RNF167: variants seen among roughly 807,000 people sequenced by gnomAD.
RNF167 encodes E3 ubiquitin-protein ligase RNF167.
Under a neutral mutation model 34.8 loss-of-function variants are expected in RNF167, and 19 were observed. The observed-to-expected ratio is 0.55, with a 90% CI of 0.38 to 0.80. The LOEUF (loss-of-function observed/expected upper bound fraction) is 0.80. Among genes scored for constraint, RNF167 ranks in the 30% least tolerant of loss-of-function variants. RNF167 has a pLI of 0.00. For missense variants in RNF167, 464 were observed against 447.0 expected (o/e 1.04, Z -0.34); for synonymous variants, 200 against 170.4 (o/e 1.17, Z -1.35).
rs761723627 is a variant in RNF167 at position 4,944,947 on chromosome 17, C to G, written c.984C>G (p.Pro328=). The stretch of plus-strand genomic sequence containing the variant: ...CCTTTGGTTCCTTAGCCCCAGCTCC[C>G]CTTGTTTTTCCTGGGCCTTCAACAG... ...PTSFGSLAPA[P]LVFPGPSTDP... is the part of the protein sequence containing the mutation. Residue 328 remains proline (P), a synonymous_variant, in exon 10 of 10, where the codon CCC becomes CCG. Transcript: ENST00000262482. 1.2e-6 allele frequency: 2 copies of G among 1,604,336 alleles called. No homozygotes were observed. Among genetic ancestry groups the G allele is most frequent in the South Asian group, 1.1e-5 (1 of 89,938 alleles).
rs866828644 is a variant in RNF167, at chr17:4,943,205, A to G, written c.497A>G (p.Asn166Ser). Residue 166 changes from asparagine (N) to serine (S), a missense_variant, in exon 7 of 10, where the codon AAT becomes AGT. Asn to Ser is a conservative substitution (Grantham distance 46, BLOSUM62 1). Coordinates refer to ENST00000262482, the MANE Select transcript of RNF167 (RefSeq NM_015528.3). Reference sequence around the variant, plus strand: ...GCTCGGGTGCTTCTGGTTCCAGACAATACCTTCCCCTTGGGCTATTACCTC... The same window carrying G: ...GCTCGGGTGCTTCTGGTTCCAGACAGTACCTTCCCCTTGGGCTATTACCTC... The part of the protein sequence containing the change: ...KGARVLLVPD[N>S]TFPLGYYLIP... The G allele has an allele frequency of 2.5e-6, 4 of 1,614,046 alleles. No homozygotes were observed. The highest frequency in any genetic ancestry group is 2.7e-5 in the African/African-American group (2 of 74,996).
In RNF167 at chr17:4,941,119, G is replaced by C; in HGVS notation, c.127G>C (p.Ala43Pro). 1 of 1,614,222 alleles carries C rather than the reference G, an allele frequency of 6.2e-7. No individual in the cohort carries two copies. Residue 43 changes from alanine to proline, a missense_variant, in exon 3 of 10, where the codon GCT becomes CCT. Ala to Pro is a conservative substitution (Grantham distance 27). Transcript: ENST00000262482. ...NASMDFADLP[A>P]LFGATLSQEG... ...CAGCATGGACTTTGCAGACCTTCCA[G>C]CTCTGTTTGGGGCTACCTTGAGCCA... is the stretch of plus-strand genomic sequence containing the variant.
At chr17:4,942,994 A>T (rs1319720462) in intron 6 of RNF167, 53 bp downstream of exon 6, 1 of 1,546,528 alleles carries the variant, frequency 6.5e-7, no homozygotes, top group Admixed American at 1.7e-5. Context: ...TTCCATGCCA[A>T]CCTGGAGCCC....
At position 4,941,166 on chromosome 17, in the gene RNF167, C is replaced by G. The variant is rs182848539; in HGVS notation, c.165+9C>G. 4 of 1,610,416 alleles carry G rather than the reference C, an allele frequency of 2.5e-6. No individual in the cohort carries two copies. The highest frequency in any genetic ancestry group is 3.4e-6 in the Non-Finnish European group (4 of 1,176,678). ...GCCAGGAGGGCCTCCAGGTGATTTT[C>G]TTTCTTTTCTTTTCCTCCTTCCCTC... On this transcript the variant is annotated intron_variant, in intron 3 of 9. Transcript: ENST00000262482.
rs765290344 is a variant in RNF167 at position 4,942,934 on chromosome 17, G to A, written c.463G>A (p.Glu155Lys). ...GTACCTGCGTGCCCTCTTTGTCTAC[G>A]AGAAGGGGTAGGACATGTGCCTCCT... Reference protein sequence around the residue: ...SEYLRALFVYEKGARVLLVPD... With the variant: ...SEYLRALFVYKKGARVLLVPD... Residue 155 changes from glutamate to lysine, a missense_variant, in exon 6 of 10, where the codon GAG (glutamate) becomes AAG (lysine). By Grantham distance (56) the Glu-to-Lys change is moderately conservative. Coordinates refer to ENST00000262482, the MANE Select transcript of RNF167 (RefSeq NM_015528.3). 1.2e-5 allele frequency: 20 copies of A among 1,613,728 alleles called. No homozygotes were observed. The highest frequency in any genetic ancestry group is 1.1e-4 in the East Asian group (5 of 44,898).
At chr17:4,943,363 G>A in intron 7 of RNF167, 63 bp from the exon 8 acceptor site, 4 of 1,585,078 alleles carry the variant, frequency 2.5e-6, no homozygotes, top group Non-Finnish European at 3.5e-6. Flanking sequence ...AGATGGGAGT[G>A]GCTTGTCCTA....
At chr17:4,943,014 C>T (rs1465250017) in intron 6 of RNF167, 73 bp downstream of exon 6, 6 of 1,445,614 alleles carry the variant, frequency 4.2e-6, no homozygotes, top group Non-Finnish European at 5.8e-6. Context: ...CAGGCCTCCT[C>T]ATTACCCGAA....
chr17:4,944,379 TTGCTTGTCCCTTC>T, intron 8 of RNF167, 166 bp from the exon 9 acceptor site: 3 of 1,345,426 alleles, frequency 2.2e-6, no homozygotes, highest in Non-Finnish European at 2.9e-6. Flanking sequence ...CTGCTTCTCT[TTGCTTGTCCCTTC>T]TAGCCCTAAA....
chr17:4,943,321 G>T (rs1202833529), intron 7 of RNF167, 37 bp downstream of exon 7: 7 of 1,597,586 alleles, frequency 4.4e-6, no homozygotes, highest in Admixed American at 3.3e-5. Flanking sequence ...AAGCACTGAG[G>T]CCTGTGAGGC....
chr17:4,942,690 T>C, intron 5 of RNF167, 26 bp downstream of exon 5: 2 of 1,611,732 alleles, frequency 1.2e-6, no homozygotes, highest in Middle Eastern at 1.7e-4. Flanking sequence ...TCTATACAGC[T>C]GGGCTTTCAG....
In RNF167 at chr17:4,945,071, C is replaced by T. The variant is rs893044190; in HGVS notation, c.*55C>T. 2.8e-6 allele frequency: 4 copies of T among 1,421,216 alleles called. No individual in the cohort carries two copies. Among genetic ancestry groups the T allele is most frequent in the African/African-American group, 1.4e-5 (1 of 69,574 alleles). 88.0% of individuals were successfully genotyped at this position (1,421,216 alleles called of 1,614,324 possible). ...CTATTTGCACAGACCGTCGTCTTCCCTCCAGTCTTCTGAGGGATAGGGGAC... is the reference window on the plus strand; with the variant it reads ...CTATTTGCACAGACCGTCGTCTTCCTTCCAGTCTTCTGAGGGATAGGGGAC... On this transcript the variant is annotated 3_prime_UTR_variant, in exon 10 of 10. Transcript: ENST00000262482.
chr17:4,945,001 T>G lies in RNF167; in HGVS notation c.1038T>G (p.Pro346=). Residue 346 remains proline, a synonymous_variant, in exon 10 of 10, where the codon CCT becomes CCG. Transcript: ENST00000262482. The part of the protein sequence containing the change: ...TDPPLSPPSS[P]VILV Reference sequence around the variant, plus strand: ...CCCCACTGTCCCCTCCCTCTTCCCCTGTTATCCTGGTCTAATAACCCCCCA... The same window carrying G: ...CCCCACTGTCCCCTCCCTCTTCCCCGGTTATCCTGGTCTAATAACCCCCCA... 1 of 1,549,404 alleles carries G rather than the reference T, an allele frequency of 6.5e-7. No homozygotes were observed. Among genetic ancestry groups the G allele is most frequent in the Non-Finnish European group, 8.7e-7 (1 of 1,148,390 alleles).
At chr17:4,941,570 C>G (rs542457086) in intron 3 of RNF167, among the ~76,000 whole-genome samples, 2 of 152,138 alleles carry the variant, frequency 1.3e-5, no homozygotes, top group African/African-American at 4.8e-5. Context: ...AAAGTAGATA[C>G]GCAATTTTGG....
intron 4 of RNF167, 45 bp from the exon 5 acceptor site, chr17:4,942,532 G>T: frequency 6.2e-7 from 1 of 1,613,648 alleles, no homozygotes; most frequent in Admixed American, 1.7e-5. Flanking sequence ...AATGAAGACA[G>T]GTAAGGCCCA....
At position 4,942,636 on chromosome 17, in the gene RNF167, T is replaced by G. The variant is rs1462072747; in HGVS notation, c.351T>G (p.Asn117Lys). 1.2e-6 allele frequency: 2 copies of G among 1,614,030 alleles called. No homozygotes were observed. Among genetic ancestry groups the G allele is most frequent in the Admixed American group, 3.3e-5 (2 of 59,994 alleles). The stretch of plus-strand genomic sequence containing the variant: ...CTGTAGTACACAATGTGAATTCCAA[T>G]GAACTTCTGAACATGGTGTGGAATA... Reference protein sequence around the residue: ...GAAVVHNVNSNELLNMVWNSE... With the variant: ...GAAVVHNVNSKELLNMVWNSE... Residue 117 changes from asparagine (N) to lysine (K), a missense_variant, in exon 5 of 10, where the codon AAT (asparagine) becomes AAG (lysine). Physicochemically the swap from Asn to Lys is moderately conservative, Grantham distance 94. Coordinates refer to ENST00000262482, the MANE Select transcript of RNF167 (RefSeq NM_015528.3).
In RNF167 at chr17:4,940,312, A is replaced by G. The variant is rs1597652819; in HGVS notation, c.-472A>G. On this transcript the variant is annotated 5_prime_UTR_variant, in exon 1 of 10. Coordinates refer to ENST00000262482, the MANE Select transcript of RNF167 (RefSeq NM_015528.3). Reference sequence around the variant, plus strand: ...CTGCGAGGGGACGGGAGAGGTGGTGAGCACTCTCGCGAGATTTGAAGGAGC... The same window carrying G: ...CTGCGAGGGGACGGGAGAGGTGGTGGGCACTCTCGCGAGATTTGAAGGAGC... The G allele has an allele frequency of 5.8e-6, 1 of 172,126 alleles. No homozygotes were observed. The highest frequency in any genetic ancestry group is 1.2e-5 in the Non-Finnish European group (1 of 82,264). 10.7% of individuals were successfully genotyped at this position (172,126 alleles called of 1,614,324 possible).
At position 4,945,120 on chromosome 17, in the gene RNF167, A is replaced by C; in HGVS notation, c.*104A>C. 1.9e-6 allele frequency: 2 copies of C among 1,080,026 alleles called. No individual in the cohort carries two copies. Among genetic ancestry groups the C allele is most frequent in the Non-Finnish European group, 2.6e-6 (2 of 766,570 alleles). The allele number at this position is 1,080,026 out of a possible 1,614,324, so 66.9% of individuals were successfully genotyped here. On this transcript the variant is annotated 3_prime_UTR_variant, in exon 10 of 10. Coordinates refer to ENST00000262482, the MANE Select transcript of RNF167 (RefSeq NM_015528.3). ...ACATTCCATCCCAAGCTTCTCCCTT[A>C]CCCACACCTATCCTTTTGAGGGGCT...
At position 4,940,826 on chromosome 17, in the gene RNF167, G is replaced by A. The variant is rs922574012; in HGVS notation, c.-84G>A. On this transcript the variant is annotated 5_prime_UTR_variant, in exon 2 of 10. Transcript: ENST00000262482. Reference sequence around the variant, plus strand: ...TGGTTGGACCCCTGGGATCCTAAAGGAGGGGCAGGGAGGGCGCAGAACTCC... The same window carrying A: ...TGGTTGGACCCCTGGGATCCTAAAGAAGGGGCAGGGAGGGCGCAGAACTCC... 12 of 1,297,674 alleles carry A rather than the reference G, an allele frequency of 9.2e-6. No individual in the cohort carries two copies. Among genetic ancestry groups the A allele is most frequent in the Non-Finnish European group, 1.3e-5 (12 of 951,224 alleles). 80.4% of individuals were successfully genotyped at this position (1,297,674 alleles called of 1,614,324 possible). A position where few individuals can be genotyped will look rare whatever the true frequency, so the allele number is the denominator to read the frequency against.
chr17:4,944,316 A>C, intron 8 of RNF167: 2 of 892,482 alleles, frequency 2.2e-6, no homozygotes, highest in Non-Finnish European at 2.9e-6. Context: ...CGTTCCTTCC[A>C]CTCCCTATCT....
Sources: gnomAD v4.1 joint callset for allele counts (sites outside exome capture counted in the v4.1 genomes callset) on GRCh38, gnomAD v4.1.1 for gene constraint, MANE v1.5 for transcripts, NCBI Gene and HGNC (gene_info 2026-07-23, HGNC 2026-07-21) for gene names.